The following MED13L variants were observed in gnomAD, a reference collection of about 807,000 sequenced individuals.
MED13L encodes mediator of RNA polymerase II transcription subunit 13-like.
Under a neutral mutation model 220.9 loss-of-function variants are expected in MED13L, and 7 were observed. The observed-to-expected ratio is 0.03, with a 90% confidence interval of 0.02 to 0.06. MED13L has a LOEUF of 0.06. Among genes scored for constraint, MED13L ranks in the 10% least tolerant of loss-of-function variants. The pLI is 1.00. For missense variants in MED13L, 1,965 were observed against 2,760.5 expected (o/e 0.71, Z 6.46); for synonymous variants, 1,011 against 1,015.2 (o/e 1.00, Z 0.08).
chr12:116,250,181 C>A (rs888086003), intron 1 of MED13L, among the ~76,000 whole-genome samples: 21 of 151,810 alleles, frequency 1.4e-4, no homozygotes, highest in African/African-American at 4.8e-4. Flanking sequence ...GACTTCTCAT[C>A]TGAAAATATG....
chr12:116,250,834 T>A (rs752130897), intron 1 of MED13L, among the ~76,000 whole-genome samples: 10 of 151,180 alleles, frequency 6.6e-5, no homozygotes, highest in Admixed American at 2.0e-4. Flanking sequence ...TTTAAAGGCT[T>A]ATTAACTGTT....
intron 3 of MED13L, among the ~76,000 whole-genome samples, chr12:116,101,191 T>C (rs939933137): frequency 6.6e-6 from 1 of 152,192 alleles, no homozygotes; most frequent in African/African-American, 2.4e-5. Context: ...CATCTACAAA[T>C]CAGCACTTTC....
intron 3 of MED13L, among the ~76,000 whole-genome samples, chr12:116,108,096 A>G (rs1873741638): frequency 6.6e-6 from 1 of 151,940 alleles, no homozygotes; most frequent in Admixed American, 6.6e-5. Context: ...TCTCAAAACA[A>G]ACAAACAAAC....
At chr12:116,005,702 A>G (rs1879005437) in intron 13 of MED13L, among the ~76,000 whole-genome samples, 167 bp downstream of exon 13, 1 of 152,204 alleles carries the variant, frequency 6.6e-6, no homozygotes, top group Non-Finnish European at 1.5e-5. Context: ...AACTTTTTTT[A>G]TACAGCATGA....
chr12:116,181,089 C>T (rs1212692169), intron 2 of MED13L: 1 of 152,038 alleles, frequency 6.6e-6, no homozygotes, highest in Non-Finnish European at 1.5e-5. Context: ...CGCCACCATG[C>T]TAGGCTAATT....
intron 23 of MED13L, 70 bp from the exon 24 acceptor site, chr12:115,975,808 C>T (rs759617600): frequency 3.4e-5 from 49 of 1,456,804 alleles, no homozygotes; most frequent in South Asian, 1.3e-4. Flanking sequence ...AAATCCAGAA[C>T]GACACTGAGG....
In MED13L at chr12:116,006,392, G is replaced by A; in HGVS notation, c.2258C>T (p.Thr753Ile). 6.2e-7 allele frequency: 1 copy of A among 1,613,760 alleles called. No homozygotes were observed. The highest frequency in any genetic ancestry group is 8.5e-7 in the Non-Finnish European group (1 of 1,179,794). ...KKNKSEDGFG[T>I]KDVTTPGHST... ...ATGACCTGGTGTAGTGACATCCTTG[G>A]TACCAAATCCATCCTCTGACTGTAT... Residue 753 changes from threonine to isoleucine, a missense_variant, in exon 12 of 31, where the codon ACC (threonine) becomes ATC (isoleucine). By Grantham distance (89) the Thr-to-Ile change is moderately conservative. Transcript: ENST00000281928.
chr12:116,207,515 C>T (rs1042325446), intron 2 of MED13L, among the ~76,000 whole-genome samples: 1 of 152,120 alleles, frequency 6.6e-6, no homozygotes, highest in African/African-American at 2.4e-5. Flanking sequence ...CATTAAGCGA[C>T]ACATTGCTGT....
intron 2 of MED13L, among the ~76,000 whole-genome samples, chr12:116,219,979 T>C (rs1343733242): frequency 6.6e-6 from 1 of 152,046 alleles, no homozygotes; most frequent in African/African-American, 2.4e-5. Flanking sequence ...GTATTTTTGG[T>C]AGAGACAGGG....
chr12:115,986,212 A>T, intron 19 of MED13L, 54 bp downstream of exon 19: 1 of 1,504,042 alleles, frequency 6.6e-7, no homozygotes, highest in Non-Finnish European at 9.3e-7. Context: ...TCATCACTAT[A>T]AACAATCAGA....
At position 115,991,710 on chromosome 12, in the gene MED13L, G is replaced by C. The variant is rs1878073825; in HGVS notation, c.3244C>G (p.Pro1082Ala). The change falls in exon 17 of 31, where the codon CCA (proline) becomes GCA (alanine). Residue 1082 changes from proline (P) to alanine (A), a missense_variant. This residue lies in a region of MED13L where 233 missense variants were observed against 306.2 expected (regional missense o/e 0.76). Coordinates refer to ENST00000281928, the MANE Select transcript of MED13L (RefSeq NM_015335.5). This position sits in a 1 kb window ranked among gnomAD's most constrained non-coding sequence, Gnocchi z 7.7. Reference protein sequence around the residue: ...VKYDSTDQGSPASTPSTTRPL... With the variant: ...VKYDSTDQGSAASTPSTTRPL... ...CGTGTAGTAGAGGGGGTGGAGGCTG[G>C]TGATCCTTGATCGGTGCTATCATAC... is the stretch of plus-strand genomic sequence containing the variant. 1 of 1,613,722 alleles carries C rather than the reference G, an allele frequency of 6.2e-7. No individual in the cohort carries two copies. The highest frequency in any genetic ancestry group is 8.5e-7 in the Non-Finnish European group (1 of 1,179,874).
intron 2 of MED13L, among the ~76,000 whole-genome samples, chr12:116,210,629 T>A (rs1593169134): frequency 6.8e-6 from 1 of 146,398 alleles, no homozygotes; most frequent in East Asian, 2.0e-4. Flanking sequence ...CCACATGCCT[T>A]CGGGGAAAAT....
chr12:116,087,601 G>A (rs930516684), intron 4 of MED13L, among the ~76,000 whole-genome samples: 5 of 152,078 alleles, frequency 3.3e-5, no homozygotes, highest in Admixed American at 1.3e-4. Context: ...AGCACACTAC[G>A]AATCAAACAG....
intron 2 of MED13L, among the ~76,000 whole-genome samples, chr12:116,203,493 A>T (rs1882131421): frequency 2.0e-5 from 3 of 152,104 alleles, no homozygotes; most frequent in South Asian, 4.1e-4. Flanking sequence ...AAGTGAAGAC[A>T]TATAAGGAAA....
At chr12:115,981,511 G>A (rs930000454) in intron 22 of MED13L, among the ~76,000 whole-genome samples, 1 of 151,900 alleles carries the variant, frequency 6.6e-6, no homozygotes, top group Non-Finnish European at 1.5e-5. Flanking sequence ...CTATAAAGCT[G>A]TCAAAGGTGC....
intron 4 of MED13L, among the ~76,000 whole-genome samples, chr12:116,062,634 T>C (rs1230572960): frequency 6.6e-6 from 1 of 151,924 alleles, no homozygotes; most frequent in African/African-American, 2.4e-5. Flanking sequence ...ACTATAGGCA[T>C]GCGCCACCAC....
chr12:116,086,577 C>G (rs567537479), intron 4 of MED13L, among the ~76,000 whole-genome samples: 1 of 152,014 alleles, frequency 6.6e-6, no homozygotes, highest in Middle Eastern at 3.2e-3. Flanking sequence ...CTACTGTGCC[C>G]GCCCCATGAT....
Position 115,980,829 on chromosome 12 carries a change from A to C in MED13L, c.5285T>G (p.Leu1762Arg). 1 of 1,603,540 alleles carries C rather than the reference A, an allele frequency of 6.2e-7. No homozygotes were observed. The highest frequency in any genetic ancestry group is 8.5e-7 in the Non-Finnish European group (1 of 1,175,238). Reference protein sequence around the residue: ...FSVYCQCRRPLPTQIHIKSLT... With the variant: ...FSVYCQCRRPRPTQIHIKSLT... ...GGATTTAATGTGGATCTGTGTAGGC[A>C]GTGGTCGCCTGCACTGGCAGTACAC... is the stretch of plus-strand genomic sequence containing the variant. The change falls in exon 23 of 31, where the codon CTG (leucine) becomes CGG (arginine). Residue 1762 changes from leucine (L) to arginine (R), a missense_variant. Physicochemically the swap from Leu to Arg is moderately radical, Grantham distance 102 (BLOSUM62 -2). Transcript: ENST00000281928.
At chr12:115,993,399 A>G (rs1565998500) in intron 16 of MED13L, among the ~76,000 whole-genome samples, 1 of 152,212 alleles carries the variant, frequency 6.6e-6, no homozygotes, top group African/African-American at 2.4e-5. Context: ...AGTTACTTAT[A>G]ATGTGAAAGA....
Sources: gnomAD v4.1 joint callset for allele counts (sites outside exome capture counted in the v4.1 genomes callset) on GRCh38, gnomAD v4.1.1 for gene constraint, gnomAD v4.1.1 regional missense constraint, Gnocchi (gnomAD v3.1) non-coding constraint, MANE v1.5 for transcripts, NCBI Gene and HGNC (gene_info 2026-07-23, HGNC 2026-07-21) for gene names.